The following ARHGAP35 variants were observed in gnomAD, a reference collection of about 807,000 sequenced individuals.
ARHGAP35 encodes Rho GTPase activating protein 35.
ARHGAP35 carries 15 observed loss-of-function variants against 111.1 expected under a neutral mutation model. That is an observed-to-expected ratio of 0.13 (90% CI 0.09 to 0.21). ARHGAP35 has a LOEUF of 0.21. ARHGAP35 is among the 10% of genes least tolerant of loss of function. The probability of loss-of-function intolerance (pLI) is 1.00; values close to 1 mark genes in which losing one functional copy is unlikely to be tolerated. For missense variants in ARHGAP35, 1,262 were observed against 1,873.0 expected (o/e 0.67, Z 6.02); for synonymous variants, 643 against 710.3 (o/e 0.91, Z 1.51).
chr19:46,950,628 A>G (rs904243490), intron 3 of ARHGAP35, among the ~76,000 whole-genome samples: 3 of 152,098 alleles, frequency 2.0e-5, no homozygotes, highest in African/African-American at 7.2e-5. Flanking sequence ...GGGCTGAAGG[A>G]GTGATTCTGG....
At chr19:46,914,197 T>C (rs916294079) in intron 1 of ARHGAP35, among the ~76,000 whole-genome samples, 3 of 152,198 alleles carry the variant, frequency 2.0e-5, no homozygotes, top group South Asian at 4.1e-4. Flanking sequence ...AAGAAACTTA[T>C]TAGGTTTCTA....
intron 1 of ARHGAP35, among the ~76,000 whole-genome samples, chr19:46,868,858 T>C (rs1468488691): frequency 6.6e-6 from 1 of 151,590 alleles, no homozygotes; most frequent in East Asian, 1.9e-4. Flanking sequence ...GAAATACATC[T>C]TTCCTCTTGA....
chr19:46,929,879 A>C (rs1457274881), intron 2 of ARHGAP35, among the ~76,000 whole-genome samples: 3 of 149,242 alleles, frequency 2.0e-5, no homozygotes, highest in African/African-American at 7.4e-5. Context: ...GCACCATTGC[A>C]CTCCAGCCTG....
In ARHGAP35 at chr19:46,921,790, C is replaced by A. The variant is rs1156791194; in HGVS notation, c.3115C>A (p.Pro1039Thr). 6.2e-7 allele frequency: 1 copy of A among 1,614,022 alleles called. No individual in the cohort carries two copies. Among genetic ancestry groups the A allele is most frequent in the East Asian group, 2.2e-5 (1 of 44,882 alleles). ...GAGTAAACTGAACAACAAAGTACCT[C>A]CGCCAGTCAAACCAAAGCCTCCTGT... ...FESKLNNKVP[P>T]PVKPKPPVHF... is the part of the protein sequence containing the mutation. Residue 1039 changes from proline (P) to threonine (T), a missense_variant, in exon 2 of 7, where the codon CCG (proline) becomes ACG (threonine). Physicochemically the swap from Pro to Thr is conservative, Grantham distance 38. Around this residue, in one of 8 missense-constraint regions of ARHGAP35, gnomAD observed 579 missense variants for 716.9 expected, o/e 0.81. Transcript: ENST00000672722. The surrounding 1 kb of genome is among the most constrained non-coding windows in gnomAD (Gnocchi z 4.3).
chr19:46,940,816 G>A (rs536004065), intron 3 of ARHGAP35, among the ~76,000 whole-genome samples: 7 of 152,066 alleles, frequency 4.6e-5, no homozygotes, highest in Non-Finnish European at 8.8e-5. Flanking sequence ...TGCACTTCTG[G>A]CAGATACCAC....
chr19:47,003,736 ATG>A lies in ARHGAP35; in HGVS notation c.*3052_*3053del, dbSNP rs984896554. On this transcript the variant is annotated 3_prime_UTR_variant, in exon 7 of 7. Transcript: ENST00000672722. The stretch of plus-strand genomic sequence containing the variant: ...GCTGCGACCCAGATTCTTCTGCAGG[ATG>A]TGTCTGTCTTTGTCACGGTGGACAG... 2 of 152,002 alleles carry A rather than the reference ATG, an allele frequency of 1.3e-5. No homozygotes were observed. Among genetic ancestry groups the A allele is most frequent in the African/African-American group, 2.4e-5 (1 of 41,368 alleles). The allele number at this position is 152,002 out of a possible 1,614,324, so 9.4% of individuals were successfully genotyped here. A position where few individuals can be genotyped will look rare whatever the true frequency, so the allele number is the denominator to read the frequency against.
At chr19:46,866,821 T>C (rs1425512470) in intron 1 of ARHGAP35, among the ~76,000 whole-genome samples, 1 of 152,172 alleles carries the variant, frequency 6.6e-6, no homozygotes, top group East Asian at 1.9e-4. Context: ...CTTTATAATT[T>C]AGGGGGATGG....
At position 46,892,317 on chromosome 19, in the gene ARHGAP35, GA is replaced by G. The variant is rs932197140; in HGVS notation, c.-188-26160del. ...GACTTTGTCTCAAAAAAAAAAAAAA[GA>G]AAAAAAAAAAGCCAGGTGTGCTGGC... is the stretch of plus-strand genomic sequence containing the variant. On this transcript the variant is annotated intron_variant, in intron 1 of 6. Transcript: ENST00000672722. Among the ~76,000 whole-genome samples the G allele has an allele frequency of 2.8e-3, 370 of 130,174 alleles. 1 individual carries two copies. The highest frequency in any genetic ancestry group is 9.1e-3 in the African/African-American group (320 of 35,300). The allele number at this position is 130,174 out of a possible 152,430, so 85.4% of individuals were successfully genotyped here.
At chr19:46,990,746 C>T (rs979447351) in intron 5 of ARHGAP35, among the ~76,000 whole-genome samples, 1 of 152,178 alleles carries the variant, frequency 6.6e-6, no homozygotes, top group Non-Finnish European at 1.5e-5. Flanking sequence ...AGCATGGCCC[C>T]GAGTCCTGGG....
rs142807428 is a variant in ARHGAP35, at chr19:46,920,741, G to A, written c.2066G>A (p.Arg689Gln). 7.4e-6 allele frequency: 12 copies of A among 1,611,662 alleles called. No individual in the cohort carries two copies. Among genetic ancestry groups the A allele is most frequent in the East Asian group, 6.7e-5 (3 of 44,820 alleles). The change falls in exon 2 of 7, where the codon CGG becomes CAG. Residue 689 changes from arginine (R) to glutamine (Q), a missense_variant. Physicochemically the swap from Arg to Gln is conservative, Grantham distance 43. Transcript: ENST00000672722. This position sits in a 1 kb window ranked among gnomAD's most constrained non-coding sequence, Gnocchi z 7.0. ...AGTAGAGAGTCCACGCTGGGCCGGC[G>A]GGATAATCATTTAGTCCATCTCCCC... ...EKSRESTLGR[R>Q]DNHLVHLPLT...
rs1276905076 is a variant in ARHGAP35 at position 47,001,107 on chromosome 19, A to G, written c.*419A>G. On this transcript the variant is annotated 3_prime_UTR_variant, in exon 7 of 7. Coordinates refer to ENST00000672722, the MANE Select transcript of ARHGAP35 (RefSeq NM_004491.5). The surrounding 1 kb of genome is among the most constrained non-coding windows in gnomAD (Gnocchi z 5.4). Reference sequence around the variant, plus strand: ...GGTGGGGCTGGCAACCCCTGAAGAGAACACTTCCTGTTGGTCTGTCTCTTC... The same window carrying G: ...GGTGGGGCTGGCAACCCCTGAAGAGGACACTTCCTGTTGGTCTGTCTCTTC... 3 of 1,254,844 alleles carry G rather than the reference A, an allele frequency of 2.4e-6. No individual in the cohort carries two copies. Among genetic ancestry groups the G allele is most frequent in the Non-Finnish European group, 3.1e-6 (3 of 977,710 alleles). 77.7% of individuals were successfully genotyped at this position (1,254,844 alleles called of 1,614,324 possible).
chr19:46,901,966 CT>C lies in ARHGAP35; in HGVS notation c.-188-16521del, dbSNP rs2056085280. On this transcript the variant is annotated intron_variant, in intron 1 of 6. Transcript: ENST00000672722. This position sits in a 1 kb window ranked among gnomAD's most constrained non-coding sequence, Gnocchi z 4.5. ...CCAGGAGAGAGTCTAGGCTTCCTGG[CT>C]CCTCTCCAAGTGTTCTACCACTAAA... 1.3e-5 allele frequency among the ~76,000 whole-genome samples: 2 copies of C among 152,182 alleles called. No individual in the cohort carries two copies. Among genetic ancestry groups the C allele is most frequent in the Non-Finnish European group, 2.9e-5 (2 of 68,030 alleles).
chr19:46,943,717 T>C (rs908149686), intron 3 of ARHGAP35, among the ~76,000 whole-genome samples: 4 of 152,236 alleles, frequency 2.6e-5, no homozygotes, highest in Admixed American at 2.0e-4. Flanking sequence ...GTCCATTTCA[T>C]GTACCTTGGC....
rs1027259082 is a variant in ARHGAP35, at chr19:46,989,775, T to C, written c.4036+100T>C. On this transcript the variant is annotated intron_variant, in intron 5 of 6. Coordinates refer to ENST00000672722, the MANE Select transcript of ARHGAP35 (RefSeq NM_004491.5). This position sits in a 1 kb window ranked among gnomAD's most constrained non-coding sequence, Gnocchi z 5.3. The stretch of plus-strand genomic sequence containing the variant: ...CAGAATGGATGCTGGCTGTTAGAGC[T>C]GAGGTTTGAAGGACAGAGGGCAAGG... 74 of 1,565,102 alleles carry C rather than the reference T, an allele frequency of 4.7e-5. No individual in the cohort carries two copies. In the African/African-American group the frequency reaches 9.6e-4, roughly 20 times the overall value.
At chr19:46,882,024 C>T (rs886636677) in intron 1 of ARHGAP35, among the ~76,000 whole-genome samples, 1 of 152,196 alleles carries the variant, frequency 6.6e-6, no homozygotes, top group Admixed American at 6.5e-5. Context: ...TCGCCTCTCT[C>T]AGCCCTGTTG....
intron 1 of ARHGAP35, among the ~76,000 whole-genome samples, chr19:46,899,140 T>C (rs2056071691): frequency 6.6e-6 from 1 of 152,086 alleles, no homozygotes. Flanking sequence ...ATTGCTTGGG[T>C]GATGCATTTC....
At chr19:46,928,650 C>A (rs529443993) in intron 2 of ARHGAP35, among the ~76,000 whole-genome samples, 2 of 151,850 alleles carry the variant, frequency 1.3e-5, no homozygotes, top group Admixed American at 6.6e-5. Context: ...CTATGGTCTG[C>A]GCTGGGCGCG....
Position 46,867,699 on chromosome 19 carries a change from G to C in ARHGAP35, c.-189+6490G>C, listed in dbSNP as rs78436272. The stretch of plus-strand genomic sequence containing the variant: ...CTATCACACCTAGCAAAAATACCTT[G>C]TACTTGGTAGGCCCCCATTGTGTCC... On this transcript the variant is annotated intron_variant, in intron 1 of 6. Coordinates refer to ENST00000672722, the MANE Select transcript of ARHGAP35 (RefSeq NM_004491.5). Among the ~76,000 whole-genome samples the C allele has an allele frequency of 7.9e-3, 1,199 of 151,944 alleles. 8 individuals carry two copies. Among genetic ancestry groups the C allele is most frequent in the African/African-American group, 0.027 (1,123 of 41,460 alleles).
chr19:47,001,088 G>A lies in ARHGAP35; in HGVS notation c.*400G>A. ...AGGATGCTCTGAGATTCAGGGTGGGGCTGGCAACCCCTGAAGAGAACACTT... is the reference window on the plus strand; with the variant it reads ...AGGATGCTCTGAGATTCAGGGTGGGACTGGCAACCCCTGAAGAGAACACTT... On this transcript the variant is annotated 3_prime_UTR_variant, in exon 7 of 7. Coordinates refer to ENST00000672722, the MANE Select transcript of ARHGAP35 (RefSeq NM_004491.5). This position sits in a 1 kb window ranked among gnomAD's most constrained non-coding sequence, Gnocchi z 5.4. 1 of 1,284,870 alleles carries A rather than the reference G, an allele frequency of 7.8e-7. No individual in the cohort carries two copies. The highest frequency in any genetic ancestry group is 1.4e-5 in the South Asian group (1 of 72,528). 79.6% of individuals were successfully genotyped at this position (1,284,870 alleles called of 1,614,324 possible).
Sources: gnomAD v4.1 joint callset for allele counts (sites outside exome capture counted in the v4.1 genomes callset) on GRCh38, gnomAD v4.1.1 for gene constraint, gnomAD v4.1.1 regional missense constraint, Gnocchi (gnomAD v3.1) non-coding constraint, MANE v1.5 for transcripts, NCBI Gene and HGNC (gene_info 2026-07-23, HGNC 2026-07-21) for gene names.